Variants in RBFOX1 observed in about 807,000 individuals in gnomAD.
The protein encoded by RBFOX1 is RNA binding protein fox-1 homolog 1.
Under a neutral mutation model 57.7 loss-of-function variants are expected in RBFOX1, and 8 were observed. The ratio of observed to expected loss-of-function variants is 0.14; its 90% CI spans 0.08 to 0.25. The LOEUF (loss-of-function observed/expected upper bound fraction) is 0.25, where lower values mean the gene tolerates loss of function less well. RBFOX1 is among the 10% of genes least tolerant of loss of function. RBFOX1 has a pLI of 1.00. For missense variants in RBFOX1, 611 were observed against 548.5 expected, an observed-to-expected ratio of 1.11 and a Z score of -1.14; for synonymous variants, 326 against 222.4, an observed-to-expected ratio of 1.47 and a Z score of -4.15.
intron 4 of RBFOX1, among the ~76,000 whole-genome samples, chr16:7,222,868 T>A (rs905619923): frequency 5.3e-5 from 8 of 152,230 alleles, no homozygotes; most frequent in Admixed American, 1.3e-4. Context: ...GGTGGTTTAC[T>A]AAAGAGTGTG....
At chr16:5,963,898 A>T (rs1425860864) in intron 4 of RBFOX1, among the ~76,000 whole-genome samples, 2 of 152,260 alleles carry the variant, frequency 1.3e-5, no homozygotes, top group African/African-American at 4.8e-5. Flanking sequence ...AAAAATAAAA[A>T]GTGGTTTTAC....
chr16:7,199,397 T>C (rs2087687252), intron 4 of RBFOX1, among the ~76,000 whole-genome samples: 1 of 152,328 alleles, frequency 6.6e-6, no homozygotes, highest in Admixed American at 6.5e-5. Context: ...GAGAAATGTT[T>C]TCCAAATAGG....
At chr16:6,956,589 G>T (rs1167820626) in intron 3 of RBFOX1, among the ~76,000 whole-genome samples, 1 of 152,206 alleles carries the variant, frequency 6.6e-6, no homozygotes, top group Non-Finnish European at 1.5e-5. Flanking sequence ...AGGTGTGGGA[G>T]ACAGAGGAGT....
At chr16:6,852,025 A>C (rs2094098982) in intron 3 of RBFOX1, among the ~76,000 whole-genome samples, 1 of 150,676 alleles carries the variant, frequency 6.6e-6, no homozygotes. Flanking sequence ...TCCCGGGTTC[A>C]TGCCATTCTC....
At chr16:7,512,662 A>G (rs943673672) in intron 4 of RBFOX1, among the ~76,000 whole-genome samples, 3 of 152,208 alleles carry the variant, frequency 2.0e-5, no homozygotes, top group Non-Finnish European at 4.4e-5. Context: ...TGTGTTTGCC[A>G]GAATTGCACA....
chr16:6,503,527 A>G (rs2096001197), intron 2 of RBFOX1, among the ~76,000 whole-genome samples: 1 of 152,318 alleles, frequency 6.6e-6, no homozygotes. Flanking sequence ...CTGAAATTGA[A>G]TTGCCTAGAA....
chr16:7,342,820 A>G (rs949593501), intron 4 of RBFOX1, among the ~76,000 whole-genome samples: 1 of 152,150 alleles, frequency 6.6e-6, no homozygotes, highest in African/African-American at 2.4e-5. Flanking sequence ...CCCTAAGCCA[A>G]TAGCCTGCAT....
intron 2 of RBFOX1, among the ~76,000 whole-genome samples, chr16:6,354,433 T>C (rs922597400): frequency 3.9e-5 from 6 of 152,136 alleles, no homozygotes; most frequent in Admixed American, 3.9e-4. Context: ...CAGTCTCTTC[T>C]CCACACAGCA....
At chr16:7,560,252 G>A (rs939502235) in intron 5 of RBFOX1, among the ~76,000 whole-genome samples, 1 of 152,206 alleles carries the variant, frequency 6.6e-6, no homozygotes, top group Non-Finnish European at 1.5e-5. Flanking sequence ...CCTATGGGGG[G>A]TGGACTTCTT....
intron 3 of RBFOX1, among the ~76,000 whole-genome samples, chr16:6,902,899 G>T (rs1399901937): frequency 1.3e-5 from 2 of 152,022 alleles, no homozygotes; most frequent in East Asian, 3.9e-4. Flanking sequence ...CCTACTTTAG[G>T]CCAAGTATTG....
intron 1 of RBFOX1, among the ~76,000 whole-genome samples, chr16:5,447,554 C>A (rs369854879): frequency 6.6e-6 from 1 of 152,064 alleles, no homozygotes; most frequent in Non-Finnish European, 1.5e-5. Context: ...CCCGCCACCA[C>A]GCCCCCCTAA....
chr16:6,821,243 G>T (rs557153347), intron 3 of RBFOX1, among the ~76,000 whole-genome samples: 2 of 152,130 alleles, frequency 1.3e-5, no homozygotes, highest in South Asian at 4.1e-4. Flanking sequence ...TTTAAATATG[G>T]TGTCTCTTTA....
intron 4 of RBFOX1, among the ~76,000 whole-genome samples, chr16:7,157,529 G>A (rs1282435710): frequency 6.6e-6 from 1 of 152,142 alleles, no homozygotes; most frequent in Non-Finnish European, 1.5e-5. Context: ...TCAGAATCCA[G>A]TGAACACCAA....
chr16:5,814,667 G>A (rs1363899151), intron 3 of RBFOX1, among the ~76,000 whole-genome samples: 20 of 152,294 alleles, frequency 1.3e-4, no homozygotes, highest in African/African-American at 2.6e-4. Context: ...GGTGGCTCAC[G>A]CCTGTAATCC....
At chr16:7,161,738 A>C (rs933736160) in intron 4 of RBFOX1, among the ~76,000 whole-genome samples, 1 of 152,198 alleles carries the variant, frequency 6.6e-6, no homozygotes. Flanking sequence ...TTTATGACTC[A>C]TCTTTCTAGA....
At chr16:5,302,490 A>C (rs905231007) in intron 1 of RBFOX1, among the ~76,000 whole-genome samples, 3 of 152,160 alleles carry the variant, frequency 2.0e-5, no homozygotes, top group African/African-American at 7.2e-5. Context: ...ATATATGCCT[A>C]CTAATTTTTT....
intron 4 of RBFOX1, among the ~76,000 whole-genome samples, chr16:7,131,214 C>G (rs554544405): frequency 6.6e-6 from 1 of 151,810 alleles, no homozygotes; most frequent in African/African-American, 2.4e-5. Flanking sequence ...GGTGTGGTAT[C>G]GCACACCTGT....
intron 2 of RBFOX1, among the ~76,000 whole-genome samples, chr16:5,581,482 C>A (rs982722367): frequency 6.6e-6 from 1 of 152,170 alleles, no homozygotes; most frequent in Admixed American, 6.5e-5. Flanking sequence ...AGGCAGACAT[C>A]TACTTTGTAA....
intron 4 of RBFOX1, among the ~76,000 whole-genome samples, chr16:7,425,906 C>T (rs1426873743): frequency 1.3e-5 from 2 of 152,088 alleles, no homozygotes; most frequent in African/African-American, 4.8e-5. Flanking sequence ...CATTTTTTCC[C>T]CATAAAGCCT....
Sources: allele counts gnomAD v4.1 joint callset (sites outside exome capture counted in the v4.1 genomes callset), GRCh38; gene constraint gnomAD v4.1.1; transcripts MANE v1.5; gene names NCBI Gene and HGNC (gene_info 2026-07-23, HGNC 2026-07-21).